The following ADCY2 variants were observed in gnomAD, a reference collection of about 807,000 sequenced individuals.
The protein encoded by ADCY2 is adenylate cyclase type 2.
A neutral mutation model predicts 125.2 loss-of-function variants in ADCY2; 31 were observed. The observed-to-expected ratio is 0.25, with a 90% CI of 0.19 to 0.33. The LOEUF (loss-of-function observed/expected upper bound fraction) is 0.33, where lower values mean the gene tolerates loss of function less well. ADCY2 is among the 10% of genes least tolerant of loss of function. The pLI, the probability that ADCY2 is intolerant of heterozygous loss-of-function variation, is 1.00. For missense variants in ADCY2, 904 were observed against 1,418.2 expected (o/e 0.64, Z 5.82); for synonymous variants, 512 against 548.4 (o/e 0.93, Z 0.93).
At chr5:7,497,696 T>C (rs1008970650) in intron 2 of ADCY2, among the ~76,000 whole-genome samples, 4 of 152,156 alleles carry the variant, frequency 2.6e-5, no homozygotes, top group African/African-American at 9.6e-5. Context: ...GAGCCGGATA[T>C]GGAAACCATG....
At chr5:7,400,539 CCAGA>C (rs2111436483) in intron 1 of ADCY2, among the ~76,000 whole-genome samples, 1 of 152,316 alleles carries the variant, frequency 6.6e-6, no homozygotes, top group Non-Finnish European at 1.5e-5. Context: ...CTTTATTATT[CCAGA>C]CAATCTTTCA....
intron 3 of ADCY2, among the ~76,000 whole-genome samples, chr5:7,617,700 A>C (rs1737812858): frequency 6.6e-6 from 1 of 152,172 alleles, no homozygotes; most frequent in Admixed American, 6.5e-5. Context: ...TGAGTTTAAA[A>C]ATTTGTCTTT....
chr5:7,723,943 A>AAAAAG (rs778086811), intron 12 of ADCY2, among the ~76,000 whole-genome samples: 4 of 143,974 alleles, frequency 2.8e-5, no homozygotes, highest in Non-Finnish European at 4.6e-5. Context: ...AAAAAAAAAA[A>AAAAAG]AGAGAAAAGA....
Position 7,478,142 on chromosome 5 carries a change from A to T in ADCY2, c.409-42596A>T, listed in dbSNP as rs111978482. Among the ~76,000 whole-genome samples, 974 of 152,296 alleles carry T rather than the reference A, an allele frequency of 6.4e-3. 19 individuals carry two copies. Among genetic ancestry groups the T allele is most frequent in the African/African-American group, 0.022 (928 of 41,548 alleles). On this transcript the variant is annotated intron_variant, in intron 2 of 24. Transcript: ENST00000338316. ...GCAGACTCAGGGCTTATTTATTAAT[A>T]TCTCCTTCTGGGGTTCTGTGGGCAG...
At chr5:7,624,724 CCTG>C (rs1348137981) in intron 3 of ADCY2, among the ~76,000 whole-genome samples, 1 of 152,192 alleles carries the variant, frequency 6.6e-6, no homozygotes, top group East Asian at 1.9e-4. Context: ...TCCAGCCACT[CCTG>C]CTCACCACGT....
chr5:7,692,864 A>G (rs1325289398), intron 5 of ADCY2, among the ~76,000 whole-genome samples: 4 of 152,164 alleles, frequency 2.6e-5, no homozygotes, highest in Non-Finnish European at 4.4e-5. Flanking sequence ...GTTTCTCTCC[A>G]GTCGTCTTCT....
intron 2 of ADCY2, among the ~76,000 whole-genome samples, chr5:7,466,895 C>G (rs1038810030): frequency 6.6e-6 from 1 of 152,122 alleles, no homozygotes; most frequent in African/African-American, 2.4e-5. Flanking sequence ...ACAGACAGTT[C>G]CTGAATTAGG....
intron 23 of ADCY2, among the ~76,000 whole-genome samples, 156 bp from the exon 24 acceptor site, chr5:7,820,409 G>A (rs1579477642): frequency 6.6e-6 from 1 of 152,086 alleles, no homozygotes; most frequent in East Asian, 1.9e-4. Flanking sequence ...TGGCAGGATC[G>A]CTTGAGCCTG....
chr5:7,659,082 A>T (rs1739440494), intron 4 of ADCY2, among the ~76,000 whole-genome samples: 1 of 152,244 alleles, frequency 6.6e-6, no homozygotes, highest in South Asian at 2.1e-4. Context: ...AAACACTAAG[A>T]TGCAGTTTAT....
chr5:7,820,817 T>C, intron 24 of ADCY2, 128 bp downstream of exon 24: 2 of 1,250,202 alleles, frequency 1.6e-6, no homozygotes, highest in Non-Finnish European at 2.1e-6. Flanking sequence ...AATTTACTTA[T>C]CTTTTGGAGA....
chr5:7,650,732 T>C (rs1306208340), intron 4 of ADCY2, among the ~76,000 whole-genome samples: 2 of 152,226 alleles, frequency 1.3e-5, no homozygotes, highest in African/African-American at 2.4e-5. Context: ...CTTAAAAATT[T>C]CAATTCTTTT....
intron 3 of ADCY2, among the ~76,000 whole-genome samples, chr5:7,611,876 G>T (rs371712909): frequency 6.6e-5 from 10 of 152,114 alleles, no homozygotes; most frequent in Non-Finnish European, 1.5e-4. Context: ...GCTCATCTAG[G>T]CACAACAATG....
intron 15 of ADCY2, among the ~76,000 whole-genome samples, chr5:7,752,998 A>G (rs1742873905): frequency 6.6e-6 from 1 of 150,860 alleles, no homozygotes; most frequent in Non-Finnish European, 1.5e-5. Context: ...TCCCGGGTTC[A>G]AGCAGTTTTC....
chr5:7,743,711 C>T lies in ADCY2; in HGVS notation c.1915C>T (p.Leu639=). The T allele has an allele frequency of 6.2e-7, 1 of 1,614,120 alleles. No homozygotes were observed. Among genetic ancestry groups the T allele is most frequent in the Non-Finnish European group, 8.5e-7 (1 of 1,180,004 alleles). The part of the protein sequence containing the change: ...GISFGAAFLL[L]AFILFVCFAG... ...CTCCTTTGGGGCTGCGTTTCTCTTG[C>T]TGGCCTTCATCCTCTTCGTCTGCTT... is the stretch of plus-strand genomic sequence containing the variant. The change falls in exon 15 of 25, where the codon CTG becomes TTG. Residue 639 remains leucine, a synonymous_variant. Coordinates refer to ENST00000338316, the MANE Select transcript of ADCY2 (RefSeq NM_020546.3).
chr5:7,600,663 G>A (rs1017337468), intron 3 of ADCY2, among the ~76,000 whole-genome samples: 2 of 152,154 alleles, frequency 1.3e-5, no homozygotes, highest in East Asian at 1.9e-4. Flanking sequence ...ATTGTGCTTT[G>A]AGCAGAAGAA....
chr5:7,690,628 G>C, intron 4 of ADCY2, 63 bp from the exon 5 acceptor site: 2 of 1,380,196 alleles, frequency 1.4e-6, no homozygotes, highest in South Asian at 1.9e-5. Flanking sequence ...GATCTCCAAT[G>C]TTATTTGGTC....
At chr5:7,539,792 GT>G (rs1435075673) in intron 3 of ADCY2, among the ~76,000 whole-genome samples, 5 of 152,218 alleles carry the variant, frequency 3.3e-5, no homozygotes, top group Non-Finnish European at 7.3e-5. Context: ...TGGTGTGACT[GT>G]TGGCCAACAA....
In ADCY2 at chr5:7,513,033, G is replaced by A. The variant is rs1442353427; in HGVS notation, c.409-7705G>A. Among the ~76,000 whole-genome samples the A allele has an allele frequency of 2.0e-5, 3 of 150,608 alleles. No homozygotes were observed. In the Admixed American group the frequency reaches 2.0e-4, roughly 10 times the overall value. On this transcript the variant is annotated intron_variant, in intron 2 of 24. Coordinates refer to ENST00000338316, the MANE Select transcript of ADCY2 (RefSeq NM_020546.3). Reference sequence around the variant, plus strand: ...TGATTTCTCAACTGAACCAGAGCTGGGATGTGATGGAATTTCAGTGAGGGA... The same window carrying A: ...TGATTTCTCAACTGAACCAGAGCTGAGATGTGATGGAATTTCAGTGAGGGA...
intron 2 of ADCY2, among the ~76,000 whole-genome samples, chr5:7,501,589 A>G (rs1287967687): frequency 6.9e-6 from 1 of 145,300 alleles, no homozygotes; most frequent in Non-Finnish European, 1.5e-5. Flanking sequence ...AGGAATGATA[A>G]TGACATAGGA....
Sources: allele counts gnomAD v4.1 joint callset (sites outside exome capture counted in the v4.1 genomes callset), GRCh38; gene constraint gnomAD v4.1.1; transcripts MANE v1.5; gene names NCBI Gene and HGNC (gene_info 2026-07-23, HGNC 2026-07-21).